The following OSBPL1A variants were observed in gnomAD, a reference collection of about 807,000 sequenced individuals.
OSBPL1A encodes oxysterol-binding protein-related protein 1.
A neutral mutation model predicts 137.1 loss-of-function variants in OSBPL1A; 80 were observed. The ratio of observed to expected loss-of-function variants is 0.58; its 90% CI spans 0.49 to 0.70. OSBPL1A has a LOEUF of 0.70. Ranked by LOEUF, OSBPL1A falls within the 30% of genes least tolerant of loss-of-function variation. OSBPL1A has a pLI of 0.00. For missense variants in OSBPL1A, 970 were observed against 1,129.4 expected (o/e 0.86, Z 2.02); for synonymous variants, 365 against 389.7 (o/e 0.94, Z 0.75).
At chr18:24,327,920 C>A (rs2091008954) in intron 7 of OSBPL1A, among the ~76,000 whole-genome samples, 1 of 149,210 alleles carries the variant, frequency 6.7e-6, no homozygotes, top group Non-Finnish European at 1.5e-5. Flanking sequence ...TATATTAATT[C>A]TTATTTCATT....
intron 15 of OSBPL1A, among the ~76,000 whole-genome samples, chr18:24,259,065 G>C (rs1187378979): frequency 2.0e-5 from 3 of 151,554 alleles, no homozygotes; most frequent in Non-Finnish European, 4.4e-5. Context: ...GGCCTCCCGA[G>C]TAGTGGGACT....
At chr18:24,296,314 T>G (rs1189880072) in intron 14 of OSBPL1A, among the ~76,000 whole-genome samples, 2 of 152,212 alleles carry the variant, frequency 1.3e-5, no homozygotes, top group African/African-American at 4.8e-5. Context: ...TGGTCGCTGT[T>G]GCTGTACAGC....
intron 7 of OSBPL1A, among the ~76,000 whole-genome samples, chr18:24,326,401 A>G (rs1015319769): frequency 1.3e-5 from 2 of 152,180 alleles, no homozygotes; most frequent in Non-Finnish European, 2.9e-5. Flanking sequence ...CCTCTGTACC[A>G]TATGTCCTGC....
chr18:24,217,626 T>C (rs1046647944), intron 17 of OSBPL1A, among the ~76,000 whole-genome samples: 2 of 152,164 alleles, frequency 1.3e-5, no homozygotes, highest in Admixed American at 6.5e-5. Context: ...GACTACTGTT[T>C]TGCAGCACCT....
At chr18:24,169,658 T>C (rs906347359) in intron 24 of OSBPL1A, among the ~76,000 whole-genome samples, 9 of 152,152 alleles carry the variant, frequency 5.9e-5, no homozygotes, top group Non-Finnish European at 1.0e-4. Context: ...CTCGGAACCA[T>C]TGTCTTGGTT....
chr18:24,180,268 G>C (rs2086565656), intron 19 of OSBPL1A, among the ~76,000 whole-genome samples: 1 of 152,164 alleles, frequency 6.6e-6, no homozygotes, highest in Admixed American at 6.5e-5. Flanking sequence ...GAAAGACTCA[G>C]TTTAGAATGC....
At chr18:24,297,146 T>C (rs2090307131) in intron 14 of OSBPL1A, among the ~76,000 whole-genome samples, 1 of 152,164 alleles carries the variant, frequency 6.6e-6, no homozygotes, top group Non-Finnish European at 1.5e-5. Flanking sequence ...TTGTTGGCAA[T>C]TTTTAAATTA....
At chr18:24,286,511 GAAT>G (rs1373884077) in intron 14 of OSBPL1A, among the ~76,000 whole-genome samples, 1 of 152,114 alleles carries the variant, frequency 6.6e-6, no homozygotes, top group Admixed American at 6.6e-5. Flanking sequence ...TGTATTAAAT[GAAT>G]AATAAAAAGA....
chr18:24,291,781 A>AC (rs1276967426), intron 14 of OSBPL1A, among the ~76,000 whole-genome samples: 3 of 151,552 alleles, frequency 2.0e-5, no homozygotes, highest in Non-Finnish European at 4.4e-5. Flanking sequence ...AAAAAAAAAA[A>AC]CGAGAGATTG....
Position 24,181,243 on chromosome 18 carries a change from C to T in OSBPL1A, c.1714G>A (p.Glu572Lys). 6.2e-7 allele frequency: 1 copy of T among 1,614,096 alleles called. No homozygotes were observed. Among genetic ancestry groups the T allele is most frequent in the Non-Finnish European group, 8.5e-7 (1 of 1,180,016 alleles). Residue 572 changes from glutamate to lysine, a missense_variant, in exon 19 of 28, where the codon GAG becomes AAG. Glu to Lys is a moderately conservative substitution (Grantham distance 56, BLOSUM62 1). Around this residue, in one of 2 missense-constraint regions of OSBPL1A, gnomAD observed 647 missense variants for 672.6 expected, o/e 0.96. Transcript: ENST00000319481. ...SKITMPVIFNEPLSFLQRLTE... is the reference protein window; with the variant it reads ...SKITMPVIFNKPLSFLQRLTE... ...AGGCGCTGTAGGAAGCTCAGAGGCT[C>T]ATTAAATATAACTGGCATCGTGATC...
intron 4 of OSBPL1A, among the ~76,000 whole-genome samples, chr18:24,360,558 T>C (rs1023676537): frequency 1.3e-5 from 2 of 152,198 alleles, no homozygotes; most frequent in Admixed American, 6.5e-5. Flanking sequence ...TTCAGCTAAA[T>C]GTTATTTTCT....
intron 16 of OSBPL1A, 149 bp downstream of exon 16, chr18:24,239,071 G>A (rs2088594611): frequency 2.4e-6 from 2 of 828,120 alleles, no homozygotes; most frequent in East Asian, 2.7e-5. Context: ...CAAAAAATCT[G>A]GGGAGCTATA....
chr18:24,322,433 T>G (rs2090883431), intron 7 of OSBPL1A, among the ~76,000 whole-genome samples: 1 of 151,988 alleles, frequency 6.6e-6, no homozygotes, highest in Admixed American at 6.6e-5. Flanking sequence ...GTATGTGGCT[T>G]TAAGATTTAT....
chr18:24,171,208 G>C (rs2086277502), intron 23 of OSBPL1A, among the ~76,000 whole-genome samples: 1 of 151,400 alleles, frequency 6.6e-6, no homozygotes, highest in Non-Finnish European at 1.5e-5. Flanking sequence ...TAATTTTTTT[G>C]TATTTTTAGT....
intron 4 of OSBPL1A, among the ~76,000 whole-genome samples, chr18:24,348,237 CAA>C (rs1273734507): frequency 2.0e-5 from 3 of 152,050 alleles, no homozygotes; most frequent in African/African-American, 7.2e-5. Context: ...TGAGAAAAAT[CAA>C]AGATATACCA....
At chr18:24,370,573 C>T (rs1905544253) in intron 2 of OSBPL1A, among the ~76,000 whole-genome samples, 1 of 152,174 alleles carries the variant, frequency 6.6e-6, no homozygotes, top group Non-Finnish European at 1.5e-5. Flanking sequence ...GGACTCAGAA[C>T]ACAGAAAGCC....
At chr18:24,321,658 T>C in intron 7 of OSBPL1A, 1 of 515,884 alleles carries the variant, frequency 1.9e-6, no homozygotes, top group Non-Finnish European at 4.0e-6. Flanking sequence ...GAGCACTGGG[T>C]ATGTATGAAT....
At chr18:24,303,441 A>G (rs1235476384) in intron 14 of OSBPL1A, among the ~76,000 whole-genome samples, 196 bp downstream of exon 14, 1 of 152,232 alleles carries the variant, frequency 6.6e-6, no homozygotes, top group Non-Finnish European at 1.5e-5. Context: ...GGATAAAAAC[A>G]TTATTAATCT....
At chr18:24,396,543 A>G (rs1907755292) in intron 1 of OSBPL1A, among the ~76,000 whole-genome samples, 1 of 152,228 alleles carries the variant, frequency 6.6e-6, no homozygotes, top group African/African-American at 2.4e-5. Context: ...ATTTTAAGAA[A>G]GGAATGTTAC....
Sources: gnomAD v4.1 joint callset for allele counts (sites outside exome capture counted in the v4.1 genomes callset) on GRCh38, gnomAD v4.1.1 for gene constraint, gnomAD v4.1.1 regional missense constraint, MANE v1.5 for transcripts, NCBI Gene and HGNC (gene_info 2026-07-23, HGNC 2026-07-21) for gene names.